DNAH2: variants seen among roughly 807,000 people sequenced by gnomAD.
The protein encoded by DNAH2 is dynein axonemal heavy chain 2.
DNAH2 carries 323 observed loss-of-function variants against 523.5 expected under a neutral mutation model. The ratio of observed to expected loss-of-function variants is 0.62; its 90% CI spans 0.56 to 0.68. The LOEUF is 0.68. DNAH2 is among the 30% of genes least tolerant of loss of function. DNAH2 has a pLI of 0.00. For missense variants in DNAH2, 4,907 were observed against 5,701.5 expected (o/e 0.86, Z 4.49); for synonymous variants, 2,093 against 2,177.4 (o/e 0.96, Z 1.08).
In DNAH2 at chr17:7,754,100, T is replaced by C. The variant is rs560594616; in HGVS notation, c.1905-2991T>C. On this transcript the variant is annotated intron_variant, in intron 12 of 85. Transcript: ENST00000572933. The surrounding 1 kb of genome is among the most constrained non-coding windows in gnomAD (Gnocchi z 4.6). Reference sequence around the variant, plus strand: ...CCAGGTCTCAGGGATGAGGAGGGAATGGGAAGAAAAGAGTGACGGGGATCT... The same window carrying C: ...CCAGGTCTCAGGGATGAGGAGGGAACGGGAAGAAAAGAGTGACGGGGATCT... Among the ~76,000 whole-genome samples the C allele has an allele frequency of 6.6e-6, 1 of 151,428 alleles. No homozygotes were observed. The highest frequency in any genetic ancestry group is 6.6e-5 in the Admixed American group (1 of 15,224).
chr17:7,733,461 T>TCCG (rs2075048998), intron 5 of DNAH2, 146 bp downstream of exon 5: 1 of 639,078 alleles, frequency 1.6e-6, no homozygotes, highest in African/African-American at 1.9e-5. Context: ...GGGTACAAGA[T>TCCG]CCGCCTTCTT....
chr17:7,832,756 G>C lies in DNAH2; in HGVS notation c.12903+1G>C, dbSNP rs758716601. On this transcript the variant is annotated splice_donor_variant, in intron 83 of 85. Coordinates refer to ENST00000572933, the MANE Select transcript of DNAH2 (RefSeq NM_020877.5). LOFTEE classifies it high-confidence loss of function. The surrounding 1 kb of genome is among the most constrained non-coding windows in gnomAD (Gnocchi z 4.3). The stretch of plus-strand genomic sequence containing the variant: ...GCAGTCTTCAGCTCGCCAAAACAAC[G>C]TGAGCAATGTGCAAAGTGTGAGGGG... 5.0e-6 allele frequency: 8 copies of C among 1,613,938 alleles called. No homozygotes were observed. Among genetic ancestry groups the C allele is most frequent in the Non-Finnish European group, 6.8e-6 (8 of 1,180,018 alleles).
Position 7,818,762 on chromosome 17 carries a change from G to A in DNAH2, c.10656G>A (p.Glu3552=). The change falls in exon 70 of 86, where the codon GAG becomes GAA. Residue 3552 remains glutamate (E), a synonymous_variant. Coordinates refer to ENST00000572933, the MANE Select transcript of DNAH2 (RefSeq NM_020877.5). ...GTAAAAGGAAGCTCAAGGAGCTGGA[G>A]GATGAGATCCTGCGGTGAGGCCCTG... ...AAGKRKLKEL[E]DEILRLLNEA... 6.2e-7 allele frequency: 1 copy of A among 1,614,054 alleles called. No individual in the cohort carries two copies. The highest frequency in any genetic ancestry group is 1.3e-5 in the African/African-American group (1 of 75,006).
chr17:7,755,816 T>TG (rs1245929215), intron 12 of DNAH2, among the ~76,000 whole-genome samples: 1 of 151,796 alleles, frequency 6.6e-6, no homozygotes, highest in Non-Finnish European at 1.5e-5. Flanking sequence ...CTCTTTTTTT[T>TG]TTTTTGAGAC....
At position 7,764,133 on chromosome 17, in the gene DNAH2, C is replaced by T; in HGVS notation, c.3196C>T (p.Gln1066Ter). The change falls in exon 20 of 86, where the codon CAG becomes TAG. Residue 1066 changes from glutamine (Q) to a stop codon, truncating the protein, a stop_gained. Transcript: ENST00000572933. LOFTEE classifies it high-confidence loss of function. ...CGCCTTCAGAATCAGCCGCCCTCCG[C>T]AGACACTGGAGGAACTGGGGGTCAG... ...ENAEKISRPP[Q>*]TLEELGVSLQ... 1 of 1,614,222 alleles carries T rather than the reference C, an allele frequency of 6.2e-7. No individual in the cohort carries two copies. Among genetic ancestry groups the T allele is most frequent in the South Asian group, 1.1e-5 (1 of 91,086 alleles).
intron 59 of DNAH2, 150 bp from the exon 60 acceptor site, chr17:7,804,808 T>C: frequency 1.5e-6 from 1 of 669,136 alleles, no homozygotes; most frequent in Non-Finnish European, 2.6e-6. Context: ...ATTGCACCAC[T>C]GCACTCCAGC....
intron 44 of DNAH2, among the ~76,000 whole-genome samples, chr17:7,791,065 G>GT (rs1462293563): frequency 6.6e-6 from 1 of 151,206 alleles, no homozygotes; most frequent in Non-Finnish European, 1.5e-5. Flanking sequence ...TAGAAAATAT[G>GT]TTTTTTGTTT....
chr17:7,819,080 C>T lies in DNAH2; in HGVS notation c.10815+17C>T. 3.1e-6 allele frequency: 5 copies of T among 1,601,424 alleles called. No individual in the cohort carries two copies. In the South Asian group the frequency reaches 5.5e-5, roughly 18 times the overall value. ...GCGCGGGAGGTAAGCTCCCGGCCCT[C>T]CAGTCCTGCCTCCCACCAGCCATCC... is the stretch of plus-strand genomic sequence containing the variant. On this transcript the variant is annotated intron_variant, in intron 71 of 85. Coordinates refer to ENST00000572933, the MANE Select transcript of DNAH2 (RefSeq NM_020877.5).
chr17:7,736,595 G>A (rs183265119), intron 7 of DNAH2, among the ~76,000 whole-genome samples: 1 of 152,336 alleles, frequency 6.6e-6, no homozygotes, highest in East Asian at 1.9e-4. Flanking sequence ...CTGGTCCGAA[G>A]GCTCACAGAG....
At chr17:7,740,297 A>C (rs1780582303) in intron 9 of DNAH2, 123 bp from the exon 10 acceptor site, 7 of 1,444,574 alleles carry the variant, frequency 4.8e-6, no homozygotes, top group Non-Finnish European at 6.6e-6. Flanking sequence ...TAGGTAAAGT[A>C]CTTGGAGTGC....
At chr17:7,743,309 C>T (rs747461606) in intron 12 of DNAH2, 167 bp downstream of exon 12, 87 of 759,700 alleles carry the variant, frequency 1.1e-4, no homozygotes, top group Non-Finnish European at 1.8e-4. Context: ...TTTTGTCTCT[C>T]CCCACCTCCC....
chr17:7,793,336 A>C, intron 48 of DNAH2, 131 bp downstream of exon 48: 2 of 908,084 alleles, frequency 2.2e-6, no homozygotes, highest in East Asian at 2.7e-5. Context: ...GTCCTTCTCC[A>C]TGACAGCAGT....
At chr17:7,766,078 G>C (rs551253355) in intron 21 of DNAH2, among the ~76,000 whole-genome samples, 1 of 151,968 alleles carries the variant, frequency 6.6e-6, no homozygotes, top group African/African-American at 2.4e-5. Context: ...CGCCCGGCCC[G>C]CATTTCTACT....
At position 7,727,219 on chromosome 17, in the gene DNAH2, C is replaced by G; in HGVS notation, c.326C>G (p.Pro109Arg). Residue 109 changes from proline to arginine, a missense_variant, in exon 4 of 86, where the codon CCT becomes CGT. By Grantham distance (103) the Pro-to-Arg change is moderately radical (BLOSUM62 -2). Around this residue, in one of 3 missense-constraint regions of DNAH2, gnomAD observed 2,806 missense variants for 3,190.8 expected, o/e 0.88. Coordinates refer to ENST00000572933, the MANE Select transcript of DNAH2 (RefSeq NM_020877.5). ...DAILEHFAQDPTESILTIFID... is the reference protein window; with the variant it reads ...DAILEHFAQDRTESILTIFID... The stretch of plus-strand genomic sequence containing the variant: ...ATTCTGGAACACTTTGCCCAGGACC[C>G]TACAGAATCCATCCTCACCATCTTC... The G allele has an allele frequency of 6.2e-7, 1 of 1,611,286 alleles. No individual in the cohort carries two copies. The highest frequency in any genetic ancestry group is 8.5e-7 in the Non-Finnish European group (1 of 1,178,868).
chr17:7,824,408 G>A, intron 76 of DNAH2, 104 bp downstream of exon 76: 1 of 1,440,118 alleles, frequency 6.9e-7, no homozygotes. Flanking sequence ...CACTTCTACA[G>A]AGGGCCCCAG....
Position 7,818,743 on chromosome 17 carries a change from G to T in DNAH2, c.10637G>T (p.Arg3546Met), listed in dbSNP as rs1241615153. Residue 3546 changes from arginine to methionine, a missense_variant, in exon 70 of 86, where the codon AGG (arginine) becomes ATG (methionine). By Grantham distance (91) the Arg-to-Met change is moderately conservative. Transcript: ENST00000572933. The part of the protein sequence containing the change: ...SLVINIAAGK[R>M]KLKELEDEIL... ...GTCATCAACATCGCGGCTGGTAAAA[G>T]GAAGCTCAAGGAGCTGGAGGATGAG... 1 of 1,613,988 alleles carries T rather than the reference G, an allele frequency of 6.2e-7. No homozygotes were observed. Among genetic ancestry groups the T allele is most frequent in the Admixed American group, 1.7e-5 (1 of 60,000 alleles).
In DNAH2 at chr17:7,765,427, GT is replaced by G; in HGVS notation, c.3375del (p.Val1126SerfsTer13). Reference sequence around the variant, plus strand: ...GCTGGACAGTCTCAACGGGGAGTGGGTTGTCTTCCAACAAACTCTGCTGGAC... The same window carrying G: ...GCTGGACAGTCTCAACGGGGAGTGGGTGTCTTCCAACAAACTCTGCTGGAC... ...EMLDSLNGEW[V>X]VFQQTLLDSK... On this transcript the variant is annotated frameshift_variant, in exon 21 of 86. Coordinates refer to ENST00000572933, the MANE Select transcript of DNAH2 (RefSeq NM_020877.5). LOFTEE classifies it high-confidence loss of function. 1 of 1,614,150 alleles carries G rather than the reference GT, an allele frequency of 6.2e-7. No homozygotes were observed.
Position 7,770,413 on chromosome 17 carries a change from G to A in DNAH2, c.4098+5G>A, listed in dbSNP as rs370894107. On this transcript the variant is annotated splice_donor_5th_base_variant and intron_variant, in intron 25 of 85. Transcript: ENST00000572933. ...AAAGAGCTGGCTATAGAAGTGGTACGACAGTCCCCTCCCATGCTCCCACAC... is the reference window on the plus strand; with the variant it reads ...AAAGAGCTGGCTATAGAAGTGGTACAACAGTCCCCTCCCATGCTCCCACAC... 324 of 1,611,674 alleles carry A rather than the reference G, an allele frequency of 2.0e-4. No individual in the cohort carries two copies. The highest frequency in any genetic ancestry group is 2.5e-4 in the Non-Finnish European group (298 of 1,178,830).
At position 7,780,509 on chromosome 17, in the gene DNAH2, T is replaced by C. The variant is rs1483292872; in HGVS notation, c.5851-121T>C. 5 of 1,463,210 alleles carry C rather than the reference T, an allele frequency of 3.4e-6. No homozygotes were observed. The highest frequency in any genetic ancestry group is 1.9e-6 in the Non-Finnish European group (2 of 1,072,746). The allele number at this position is 1,463,210 out of a possible 1,614,324, so 90.6% of individuals were successfully genotyped here. ...CACACAATTTCCTCAGGAGAATCCA[T>C]AGAGTGCCTCCTAGCTGCTTCATGT... On this transcript the variant is annotated intron_variant, in intron 37 of 85. Coordinates refer to ENST00000572933, the MANE Select transcript of DNAH2 (RefSeq NM_020877.5). This position sits in a 1 kb window ranked among gnomAD's most constrained non-coding sequence, Gnocchi z 4.4.
Sources: gnomAD v4.1 joint callset for allele counts (sites outside exome capture counted in the v4.1 genomes callset) on GRCh38, gnomAD v4.1.1 for gene constraint, gnomAD v4.1.1 regional missense constraint, Gnocchi (gnomAD v3.1) non-coding constraint, MANE v1.5 for transcripts, NCBI Gene and HGNC (gene_info 2026-07-23, HGNC 2026-07-21) for gene names.